The following DNMT1 variants were observed in gnomAD, a reference collection of about 807,000 sequenced individuals.
DNMT1 encodes the protein DNA (cytosine-5)-methyltransferase 1.
DNMT1 carries 24 observed loss-of-function variants against 205.3 expected under a neutral mutation model. That is an observed-to-expected ratio of 0.12 (90% CI 0.08 to 0.16). DNMT1 has a LOEUF of 0.16. Ranked by LOEUF, DNMT1 falls within the 10% of genes least tolerant of loss-of-function variation. The probability of loss-of-function intolerance (pLI) is 1.00; values close to 1 mark genes in which losing one functional copy is unlikely to be tolerated. For synonymous variants in DNMT1, 817 were observed against 839.8 expected (o/e 0.97, Z 0.47); for missense variants, 1,293 against 2,177.7 (o/e 0.59, Z 8.09).
In DNMT1 at chr19:10,136,304, T is replaced by A; in HGVS notation, c.4490-17A>T. The A allele has an allele frequency of 6.2e-7, 1 of 1,613,178 alleles. No homozygotes were observed. Among genetic ancestry groups the A allele is most frequent in the South Asian group, 1.1e-5 (1 of 91,008 alleles). On this transcript the variant is annotated splice_polypyrimidine_tract_variant and intron_variant, in intron 37 of 40. Transcript: ENST00000359526. ...CTTTGCCGGCTGGAAGACAGGACAGTGATGAGGCTGCAGTTGTGGGATGGG... is the reference window on the plus strand; with the variant it reads ...CTTTGCCGGCTGGAAGACAGGACAGAGATGAGGCTGCAGTTGTGGGATGGG...
intron 8 of DNMT1, among the ~76,000 whole-genome samples, chr19:10,173,594 C>T (rs2038871543): frequency 6.6e-6 from 1 of 151,546 alleles, no homozygotes; most frequent in Non-Finnish European, 1.5e-5. Flanking sequence ...TGGGTTCAAG[C>T]AATCCTTCTG....
chr19:10,167,240 C>T (rs1387925378), intron 10 of DNMT1, among the ~76,000 whole-genome samples: 9 of 151,704 alleles, frequency 5.9e-5, no homozygotes, highest in Admixed American at 5.3e-4. Flanking sequence ...CTATCACCTA[C>T]CCTGGAGTGC....
At chr19:10,147,106 T>G (rs2038218494) in intron 27 of DNMT1, among the ~76,000 whole-genome samples, 1 of 151,146 alleles carries the variant, frequency 6.6e-6, no homozygotes, top group African/African-American at 2.4e-5. Context: ...AAAAAATTTT[T>G]AAAACATTAA....
Position 10,154,837 on chromosome 19 carries a change from G to T in DNMT1, c.1645-64C>A. 1 of 1,614,218 alleles carries T rather than the reference G, an allele frequency of 6.2e-7. No individual in the cohort carries two copies. The highest frequency in any genetic ancestry group is 1.1e-5 in the South Asian group (1 of 91,084). On this transcript the variant is annotated intron_variant, in intron 20 of 40. Transcript: ENST00000359526. This position sits in a 1 kb window ranked among gnomAD's most constrained non-coding sequence, Gnocchi z 6.3. ...CTGGCCTAAATCCAACTGAAGAACAGTGTCTGCTGGTTCTGAAGGCAAGTT... is the reference window on the plus strand; with the variant it reads ...CTGGCCTAAATCCAACTGAAGAACATTGTCTGCTGGTTCTGAAGGCAAGTT...
chr19:10,159,878 G>T lies in DNMT1; in HGVS notation c.1134C>A (p.Asp378Glu). 1 of 1,614,230 alleles carries T rather than the reference G, an allele frequency of 6.2e-7. No homozygotes were observed. Among genetic ancestry groups the T allele is most frequent in the Admixed American group, 1.7e-5 (1 of 60,020 alleles). ...KCIQCGQYLD[D>E]PDLKYGQHPP... Reference sequence around the variant, plus strand: ...GGTGCTGCCCATATTTGAGGTCAGGGTCGTCCAGGTACTGCCCGCACTGAA... The same window carrying T: ...GGTGCTGCCCATATTTGAGGTCAGGTTCGTCCAGGTACTGCCCGCACTGAA... Residue 378 changes from aspartate to glutamate, a missense_variant, in exon 16 of 41, where the codon GAC becomes GAA. Asp to Glu is a conservative substitution (Grantham distance 45). Coordinates refer to ENST00000359526, the MANE Select transcript of DNMT1 (RefSeq NM_001130823.3). This position sits in a 1 kb window ranked among gnomAD's most constrained non-coding sequence, Gnocchi z 5.0.
chr19:10,157,123 G>A (rs1340646085), intron 17 of DNMT1, among the ~76,000 whole-genome samples: 1 of 152,132 alleles, frequency 6.6e-6, no homozygotes, highest in Non-Finnish European at 1.5e-5. Context: ...CTATTCAGCT[G>A]CAGAACATTT....
rs376715649 is a variant in DNMT1 at position 10,155,866 on chromosome 19, G to A, written c.1479C>T (p.Ile493=). 67 of 1,613,326 alleles carry A rather than the reference G, an allele frequency of 4.2e-5. No homozygotes were observed. The highest frequency in any genetic ancestry group is 2.9e-4 in the African/African-American group (22 of 74,916). ...TGFDGGEKAL[I]GFSTSFAEYI... ...CCACACACTTACAGGTGCTGAAGCC[G>A]ATGAGGGCCTTTTCACCTCCATCAA... The change falls in exon 19 of 41, where the codon ATC becomes ATT. Residue 493 remains isoleucine, a synonymous_variant. Coordinates refer to ENST00000359526, the MANE Select transcript of DNMT1 (RefSeq NM_001130823.3).
intron 8 of DNMT1, among the ~76,000 whole-genome samples, 191 bp downstream of exon 8, chr19:10,173,680 C>T (rs1020490878): frequency 6.6e-5 from 10 of 151,834 alleles, no homozygotes; most frequent in Admixed American, 1.3e-4. Flanking sequence ...TTAGTAGAGA[C>T]GGGGTTTCGC....
intron 10 of DNMT1, among the ~76,000 whole-genome samples, chr19:10,167,616 C>T (rs2038723685): frequency 6.6e-6 from 1 of 152,170 alleles, no homozygotes; most frequent in South Asian, 2.1e-4. Flanking sequence ...TGGGTCAGCC[C>T]AGCCATCCCC....
At chr19:10,144,275 G>T (rs866460777) in intron 28 of DNMT1, 10 of 390,420 alleles carry the variant, frequency 2.6e-5, no homozygotes, top group South Asian at 2.1e-4. Flanking sequence ...GGGTGTGGTG[G>T]TACATGCCTA....
chr19:10,133,502 A>C lies in DNMT1; in HGVS notation c.*165T>G, dbSNP rs192952800. 1,339 of 749,132 alleles carry C rather than the reference A, an allele frequency of 1.8e-3. 5 individuals carry two copies. The highest frequency in any genetic ancestry group is 4.1e-3 in the Middle Eastern group (11 of 2,678). The allele number at this position is 749,132 out of a possible 1,614,324, so 46.4% of individuals were successfully genotyped here. On this transcript the variant is annotated 3_prime_UTR_variant, in exon 41 of 41. Transcript: ENST00000359526. The surrounding 1 kb of genome is among the most constrained non-coding windows in gnomAD (Gnocchi z 4.1). ...AAAGTACTGCACAATTTGATCACTA[A>C]ATCATTAGTTGATAAGCGAACCTCA...
Position 10,137,466 on chromosome 19 carries a change from G to T in DNMT1, c.4294-186C>A. ...ACGGCAGGGACCTGAGGCAGCGCAG[G>T]TGTAGGAGAGCGTGGGAATCTAAGC... is the stretch of plus-strand genomic sequence containing the variant. On this transcript the variant is annotated intron_variant, in intron 36 of 40. Transcript: ENST00000359526. The surrounding 1 kb of genome is among the most constrained non-coding windows in gnomAD (Gnocchi z 6.4). 1.4e-6 allele frequency: 1 copy of T among 718,264 alleles called. No homozygotes were observed. Among genetic ancestry groups the T allele is most frequent in the Non-Finnish European group, 2.3e-6 (1 of 436,056 alleles). The allele number at this position is 718,264 out of a possible 1,614,324, so 44.5% of individuals were successfully genotyped here. A position where few individuals can be genotyped will look rare whatever the true frequency, so the allele number is the denominator to read the frequency against.
In DNMT1 at chr19:10,159,435, C is replaced by A. The variant is rs2038521329; in HGVS notation, c.1280+223G>T. On this transcript the variant is annotated intron_variant, in intron 17 of 40. Coordinates refer to ENST00000359526, the MANE Select transcript of DNMT1 (RefSeq NM_001130823.3). The surrounding 1 kb of genome is among the most constrained non-coding windows in gnomAD (Gnocchi z 5.0). ...TGTTGGCCAGGCTGGTCTCGAACTCCTGACCTGAAGTGATCTGCTCACCTC... is the reference window on the plus strand; with the variant it reads ...TGTTGGCCAGGCTGGTCTCGAACTCATGACCTGAAGTGATCTGCTCACCTC... Among the ~76,000 whole-genome samples, 1 of 152,190 alleles carries A rather than the reference C, an allele frequency of 6.6e-6. No individual in the cohort carries two copies. Among genetic ancestry groups the A allele is most frequent in the Non-Finnish European group, 1.5e-5 (1 of 68,032 alleles).
chr19:10,193,507 G>C (rs2039341302), intron 1 of DNMT1, among the ~76,000 whole-genome samples: 1 of 146,062 alleles, frequency 6.8e-6, no homozygotes, highest in Non-Finnish European at 1.5e-5. Context: ...GGGACCACAG[G>C]CGCACGGCAC....
At chr19:10,134,340 G>C (rs376026880) in intron 39 of DNMT1, 33 bp from the exon 40 acceptor site, 1 of 1,602,840 alleles carries the variant, frequency 6.2e-7, no homozygotes, top group Non-Finnish European at 8.5e-7. Context: ...TGCCTGATGT[G>C]GACACCCAGG....
At position 10,140,242 on chromosome 19, in the gene DNMT1, T is replaced by C; in HGVS notation, c.3610A>G (p.Thr1204Ala). Residue 1204 changes from threonine (T) to alanine (A), a missense_variant, in exon 33 of 41, where the codon ACA (threonine) becomes GCA (alanine). By Grantham distance (58) the Thr-to-Ala change is moderately conservative. Around this residue, in one of 13 missense-constraint regions of DNMT1, gnomAD observed 26 missense variants for 86.5 expected, o/e 0.30. Coordinates refer to ENST00000359526, the MANE Select transcript of DNMT1 (RefSeq NM_001130823.3). This position sits in a 1 kb window ranked among gnomAD's most constrained non-coding sequence, Gnocchi z 8.4. The part of the protein sequence containing the change: ...RLNNPGSTVF[T>A]EDCNILLKLV... The stretch of plus-strand genomic sequence containing the variant: ...TTCAGCAGGATGTTGCAGTCCTCTG[T>C]GAACACTGTGGAGCCGGGGTTGTTC... The C allele has an allele frequency of 6.2e-7, 1 of 1,613,934 alleles. No homozygotes were observed. The highest frequency in any genetic ancestry group is 8.5e-7 in the Non-Finnish European group (1 of 1,180,020).
At position 10,149,911 on chromosome 19, in the gene DNMT1, C is replaced by A. The variant is rs778066229; in HGVS notation, c.2323G>T (p.Val775Leu). 1 of 1,614,228 alleles carries A rather than the reference C, an allele frequency of 6.2e-7. No individual in the cohort carries two copies. Among genetic ancestry groups the A allele is most frequent in the Non-Finnish European group, 8.5e-7 (1 of 1,180,046 alleles). ...GGAATAACAGAGACACAGTCCCCCA[C>A]TTCCAGGGTTTCCGCATCAATGCAC... is the stretch of plus-strand genomic sequence containing the variant. ...KVCIDAETLE[V>L]GDCVSVIPDD... Residue 775 changes from valine (V) to leucine (L), a missense_variant, in exon 25 of 41, where the codon GTG (valine) becomes TTG (leucine). By Grantham distance (32) the Val-to-Leu change is conservative (BLOSUM62 1). Coordinates refer to ENST00000359526, the MANE Select transcript of DNMT1 (RefSeq NM_001130823.3).
In DNMT1 at chr19:10,180,646, T is replaced by TTCATCA. The variant is rs3217302; in HGVS notation, c.226-83_226-78dup. On this transcript the variant is annotated intron_variant, in intron 3 of 40. Transcript: ENST00000359526. ...AGAACAAGGAAACACATGTGTTTCC[T>TTCATCA]TCATCATCATCATCATCATCATCAT... The TTCATCA allele has an allele frequency of 5.5e-3, 8,107 of 1,467,318 alleles. 330 individuals are homozygous for TTCATCA. The African/African-American group carries it at 0.098, about 18-fold the overall frequency. 90.9% of individuals were successfully genotyped at this position (1,467,318 alleles called of 1,614,324 possible).
chr19:10,168,277 T>A (rs374918871), intron 10 of DNMT1, 53 bp downstream of exon 10: 2 of 1,606,420 alleles, frequency 1.2e-6, no homozygotes, highest in Non-Finnish European at 1.7e-6. Context: ...AAGATACTTA[T>A]GTTAGCAATT....
Sources: allele counts gnomAD v4.1 joint callset (sites outside exome capture counted in the v4.1 genomes callset), GRCh38; gene constraint gnomAD v4.1.1; regional missense constraint gnomAD v4.1.1; non-coding constraint Gnocchi (gnomAD v3.1); transcripts MANE v1.5; gene names NCBI Gene and HGNC (gene_info 2026-07-23, HGNC 2026-07-21).